SCAPER: variants seen among roughly 807,000 people sequenced by gnomAD.
SCAPER encodes the protein S phase cyclin A-associated protein in the endoplasmic reticulum.
Under a neutral mutation model 182.2 loss-of-function variants are expected in SCAPER, and 98 were observed. That is an observed-to-expected ratio of 0.54 (90% CI 0.46 to 0.64). The LOEUF is 0.64. SCAPER is among the 30% of genes least tolerant of loss of function. SCAPER has a pLI of 0.00. For missense variants in SCAPER, 1,432 were observed against 1,690.0 expected, an observed-to-expected ratio of 0.85 and a Z score of 2.68; for synonymous variants, 605 against 564.6, an observed-to-expected ratio of 1.07 and a Z score of -1.01.
chr15:76,879,944 C>G (rs976631318), intron 2 of SCAPER, among the ~76,000 whole-genome samples: 5 of 152,150 alleles, frequency 3.3e-5, no homozygotes, highest in African/African-American at 4.8e-5. Flanking sequence ...GTTCACTATT[C>G]TCACTGTGTA....
At position 76,466,419 on chromosome 15, in the gene SCAPER, C is replaced by CTTTTTTTTTTTTTTTTTTTTTTTT; in HGVS notation, c.3078+4792_3078+4793insAAAAAAAAAAAAAAAAAAAAAAAA. On this transcript the variant is annotated intron_variant, in intron 25 of 31. Coordinates refer to ENST00000563290, the MANE Select transcript of SCAPER (RefSeq NM_020843.4). ...TCAGTTCCAAAATTGGTTGGTTCTT[C>CTTTTTTTTTTTTTTTTTTTTTTTT]TTTTTTTTTTTTTTTTTTTTTTTGT... is the stretch of plus-strand genomic sequence containing the variant. 1.4e-3 allele frequency among the ~76,000 whole-genome samples: 54 copies of CTTTTTTTTTTTTTTTTTTTTTTTT among 37,420 alleles called. 3 individuals carry two copies. Among genetic ancestry groups the CTTTTTTTTTTTTTTTTTTTTTTTT allele is most frequent in the Non-Finnish European group, 2.0e-3 (37 of 18,522 alleles). 24.5% of individuals were successfully genotyped at this position (37,420 alleles called of 152,430 possible).
intron 6 of SCAPER, among the ~76,000 whole-genome samples, chr15:76,803,770 C>G (rs1446614058): frequency 6.6e-6 from 1 of 152,116 alleles, no homozygotes; most frequent in East Asian, 1.9e-4. Flanking sequence ...CCTCCTAAAG[C>G]CCCCACCTCT....
rs1287848498 is a variant in SCAPER at position 76,841,846 on chromosome 15, C to T, written c.281G>A (p.Arg94Gln). 1.2e-5 allele frequency: 19 copies of T among 1,613,696 alleles called. No individual in the cohort carries two copies. Among genetic ancestry groups the T allele is most frequent in the African/African-American group, 2.7e-5 (2 of 74,876 alleles). ...DKSPTKTRHP[R>Q]KIDLRARYWA... ...GTATCGAGCTCTTAGATCAATTTTC[C>T]GAGGGTGCCTTGTTTTAGTGGGACT... The change falls in exon 5 of 32, where the codon CGG becomes CAG. Residue 94 changes from arginine to glutamine, a missense_variant. Coordinates refer to ENST00000563290, the MANE Select transcript of SCAPER (RefSeq NM_020843.4).
At chr15:76,879,352 C>G (rs563917482) in intron 2 of SCAPER, among the ~76,000 whole-genome samples, 1 of 152,260 alleles carries the variant, frequency 6.6e-6, no homozygotes, top group African/African-American at 2.4e-5. Flanking sequence ...TCCCTAACTC[C>G]AGGGTGCAGC....
At chr15:76,892,092 T>TAGTA (rs1322532825) in intron 1 of SCAPER, among the ~76,000 whole-genome samples, 1 of 151,724 alleles carries the variant, frequency 6.6e-6, no homozygotes. Context: ...ATTCCCTATT[T>TAGTA]AATAGTGCAG....
chr15:76,755,239 C>T (rs2062349029), intron 14 of SCAPER, among the ~76,000 whole-genome samples: 1 of 152,148 alleles, frequency 6.6e-6, no homozygotes, highest in Admixed American at 6.5e-5. Context: ...TGCAGAACCC[C>T]ACAAGAGACT....
intron 17 of SCAPER, among the ~76,000 whole-genome samples, chr15:76,718,071 T>A (rs2059987068): frequency 6.6e-6 from 1 of 152,194 alleles, no homozygotes; most frequent in Non-Finnish European, 1.5e-5. Context: ...AAATTGTACC[T>A]ATTGTTGTTT....
At chr15:76,488,597 G>A (rs1045651740) in intron 24 of SCAPER, among the ~76,000 whole-genome samples, 3 of 151,270 alleles carry the variant, frequency 2.0e-5, no homozygotes, top group Non-Finnish European at 4.4e-5. Context: ...TTATGTCAAC[G>A]TATCTGCAGT....
intron 20 of SCAPER, among the ~76,000 whole-genome samples, chr15:76,670,053 C>A (rs936378482): frequency 4.6e-5 from 7 of 152,170 alleles, no homozygotes; most frequent in Middle Eastern, 3.4e-3. Context: ...CATACAAAAC[C>A]ACATACATCA....
At chr15:76,689,522 A>G (rs1161758435) in intron 20 of SCAPER, among the ~76,000 whole-genome samples, 1 of 152,042 alleles carries the variant, frequency 6.6e-6, no homozygotes, top group African/African-American at 2.4e-5. Context: ...ACTCAAGAAC[A>G]CCTGGAAAAT....
Position 76,705,913 on chromosome 15 carries a change from A to T in SCAPER, c.2237T>A (p.Ile746Asn), listed in dbSNP as rs1567859739. ...ATATAATATCCTTACCTTGAGCTGA[A>T]TTTTTTTCTGTAACTCTTCCATAGC... The part of the protein sequence containing the change: ...QEAMEELQKK[I>N]QLKHDESIRR... Residue 746 changes from isoleucine (I) to asparagine (N), a missense_variant, in exon 18 of 32, where the codon ATT (isoleucine) becomes AAT (asparagine). This residue lies in a region of SCAPER where 718 missense variants were observed against 799.7 expected (regional missense o/e 0.90). Transcript: ENST00000563290. The T allele has an allele frequency of 6.4e-7, 1 of 1,553,016 alleles. No individual in the cohort carries two copies. Among genetic ancestry groups the T allele is most frequent in the Non-Finnish European group, 8.7e-7 (1 of 1,150,930 alleles).
intron 9 of SCAPER, chr15:76,774,406 A>T (rs2063628580): frequency 2.6e-6 from 1 of 389,738 alleles, no homozygotes; most frequent in African/African-American, 2.2e-5. Flanking sequence ...TCCTGGAGGA[A>T]ATTCTATTTA....
intron 25 of SCAPER, among the ~76,000 whole-genome samples, chr15:76,448,281 G>A (rs552577036): frequency 1.3e-5 from 2 of 152,068 alleles, no homozygotes; most frequent in Non-Finnish European, 2.9e-5. Flanking sequence ...AGGGAAGGAG[G>A]CTATTATATT....
chr15:76,711,929 G>C (rs1289136640), intron 17 of SCAPER, among the ~76,000 whole-genome samples: 1 of 151,978 alleles, frequency 6.6e-6, no homozygotes, highest in Non-Finnish European at 1.5e-5. Context: ...TGTGCAGAAG[G>C]TCTTTAGTTT....
intron 22 of SCAPER, chr15:76,576,839 G>A (rs1285142523): frequency 6.6e-6 from 1 of 152,262 alleles, no homozygotes; most frequent in Non-Finnish European, 1.5e-5. Flanking sequence ...GGCCCCCACA[G>A]AGAGAGCATT....
chr15:76,874,484 TA>T (rs968104977), intron 2 of SCAPER, among the ~76,000 whole-genome samples: 8 of 143,528 alleles, frequency 5.6e-5, no homozygotes, highest in Non-Finnish European at 9.2e-5. Context: ...ACAGAAAAAT[TA>T]AAAAAAAAAC....
In SCAPER at chr15:76,621,752, T is replaced by C; in HGVS notation, c.2711+12A>G. ...ACTGAAGAAAAGGAGAACTAAAATG[T>C]GGAATACTCACTTTGCTTTATAAGG... On this transcript the variant is annotated intron_variant, in intron 22 of 31. Coordinates refer to ENST00000563290, the MANE Select transcript of SCAPER (RefSeq NM_020843.4). 3 of 1,598,180 alleles carry C rather than the reference T, an allele frequency of 1.9e-6. No homozygotes were observed. Among genetic ancestry groups the C allele is most frequent in the Non-Finnish European group, 2.6e-6 (3 of 1,171,184 alleles).
rs1218509897 is a variant in SCAPER at position 76,604,641 on chromosome 15, A to T, written c.2711+17123T>A. Among the ~76,000 whole-genome samples the T allele has an allele frequency of 2.6e-5, 4 of 151,830 alleles. No individual in the cohort carries two copies. The East Asian group carries it at 7.7e-4, about 29-fold the overall frequency. On this transcript the variant is annotated intron_variant, in intron 22 of 31. Transcript: ENST00000563290. ...CAGTATGGCCATTTTCGTGATATTG[A>T]TTCTTCTTACCCATGAGCATGGAAT...
At chr15:76,822,809 A>G (rs958098446) in intron 5 of SCAPER, among the ~76,000 whole-genome samples, 2 of 152,210 alleles carry the variant, frequency 1.3e-5, no homozygotes, top group Non-Finnish European at 2.9e-5. Flanking sequence ...GGCCACTAAA[A>G]TCTAATCACT....
Sources: gnomAD v4.1 joint callset for allele counts (sites outside exome capture counted in the v4.1 genomes callset) on GRCh38, gnomAD v4.1.1 for gene constraint, gnomAD v4.1.1 regional missense constraint, MANE v1.5 for transcripts, NCBI Gene and HGNC (gene_info 2026-07-23, HGNC 2026-07-21) for gene names.